SLC49A3: variants seen among roughly 807,000 people sequenced by gnomAD.
SLC49A3 encodes the protein solute carrier family 49 member 3, also known as solute carrier family 49 member A3.
Under a neutral mutation model 43.8 loss-of-function variants are expected in SLC49A3, and 50 were observed. The observed-to-expected ratio is 1.14, with a 90% CI of 0.91 to 1.45. SLC49A3 has a LOEUF of 1.45. SLC49A3 is among the 40% of genes most tolerant of loss of function. The pLI is 0.00. For missense variants in SLC49A3, 906 were observed against 774.1 expected (o/e 1.17, Z -2.02); for synonymous variants, 413 against 352.0 (o/e 1.17, Z -1.94).
downstream of SLC49A3, chr4:680,625 G>A: frequency 6.3e-7 from 1 of 1,598,270 alleles, no homozygotes; most frequent in South Asian, 1.1e-5. Context: ...CGGCTTCCGG[G>A]GAACCCCAGT....
intron 1 of SLC49A3, chr4:687,439 G>A (rs1302506579): frequency 6.6e-6 from 1 of 152,280 alleles, no homozygotes; most frequent in Non-Finnish European, 1.5e-5. Flanking sequence ...AGGGAGCTTG[G>A]GCAACAGCCG....
At chr4:689,157 T>TCCCGCCGGC, upstream of SLC49A3, 1 of 1,288,422 alleles carries the variant, frequency 7.8e-7, no homozygotes. Context: ...TCTCCGCCGG[T>TCCCGCCGGC]CCCGCCGGCC....
At chr4:680,615 C>A (rs761018299), downstream of SLC49A3, 1 of 1,607,384 alleles carries the variant, frequency 6.2e-7, no homozygotes, top group Non-Finnish European at 8.5e-7. Flanking sequence ...CAGGGCGGCC[C>A]GGCTTCCGGG....
rs1740930925 is a variant in SLC49A3 at position 685,974 on chromosome 4, G to T, written c.509-63C>A. On this transcript the variant is annotated intron_variant, in intron 3 of 9. Coordinates refer to ENST00000322224, the MANE Select transcript of SLC49A3 (RefSeq NM_032219.4). The surrounding 1 kb of genome is among the most constrained non-coding windows in gnomAD (Gnocchi z 4.3). ...GGCCTGGCTTCATCGCCAGCCCACA[G>T]GCAGAACCTTCCGGGCCCCAGCTCC... The T allele has an allele frequency of 6.2e-7, 1 of 1,611,070 alleles. No homozygotes were observed. The highest frequency in any genetic ancestry group is 2.2e-5 in the East Asian group (1 of 44,832).
chr4:685,042 G>A lies in SLC49A3; in HGVS notation c.586-186C>T. On this transcript the variant is annotated intron_variant, in intron 4 of 9. Transcript: ENST00000322224. This position sits in a 1 kb window ranked among gnomAD's most constrained non-coding sequence, Gnocchi z 4.3. ...GAGGGGCCTGCTCCAGGGGCTCATG[G>A]GGACCCCTGGCTGTCAACGCATCCC... 1.4e-6 allele frequency: 1 copy of A among 725,502 alleles called. No homozygotes were observed. Among genetic ancestry groups the A allele is most frequent in the Non-Finnish European group, 2.2e-6 (1 of 464,666 alleles). The allele number at this position is 725,502 out of a possible 1,614,324, so 44.9% of individuals were successfully genotyped here. A position where few individuals can be genotyped will look rare whatever the true frequency, so the allele number is the denominator to read the frequency against.
chr4:681,770 C>G (rs1183166351), downstream of SLC49A3: 18 of 1,208,986 alleles, frequency 1.5e-5, no homozygotes, highest in Admixed American at 2.7e-4. Flanking sequence ...GCCCTCACCC[C>G]GCACCCGGGC....
chr4:686,532 C>G lies in SLC49A3; in HGVS notation c.294G>C (p.Ala98=), dbSNP rs199585186. Residue 98 remains alanine (A), a splice_region_variant and synonymous_variant, in exon 2 of 10, where the codon GCG becomes GCC. Coordinates refer to ENST00000322224, the MANE Select transcript of SLC49A3 (RefSeq NM_032219.4). ...WILDSVGLRA[A]TILGAWLNFA... ...GGCCATGGTGTGGGGTCTGACTCAC[C>G]GCCGCACGGAGCCCGACGGAGTCCA... The G allele has an allele frequency of 2.5e-6, 4 of 1,611,652 alleles. No homozygotes were observed. The African/African-American group carries it at 5.3e-5, about 22-fold the overall frequency.
At chr4:679,835 G>A, downstream of SLC49A3, 1 of 1,246,062 alleles carries the variant, frequency 8.0e-7, no homozygotes, top group Non-Finnish European at 1.2e-6. Context: ...TGCCTGCCTG[G>A]CCCTGTGCTG....
chr4:681,232 A>G, downstream of SLC49A3: 3 of 1,474,014 alleles, frequency 2.0e-6, no homozygotes, highest in Non-Finnish European at 2.8e-6. Flanking sequence ...CCCGAGGAGC[A>G]GCGCCGCGGT....
Position 685,960 on chromosome 4 carries a change from A to T in SLC49A3, c.509-49T>A. The stretch of plus-strand genomic sequence containing the variant: ...GTCAGCTCGGCTGTGGCCTGGCTTC[A>T]TCGCCAGCCCACAGGCAGAACCTTC... On this transcript the variant is annotated intron_variant, in intron 3 of 9. Coordinates refer to ENST00000322224, the MANE Select transcript of SLC49A3 (RefSeq NM_032219.4). This position sits in a 1 kb window ranked among gnomAD's most constrained non-coding sequence, Gnocchi z 4.3. The T allele has an allele frequency of 1.2e-6, 2 of 1,612,120 alleles. No individual in the cohort carries two copies. The highest frequency in any genetic ancestry group is 1.7e-6 in the Non-Finnish European group (2 of 1,179,148).
chr4:683,535 C>T, intron 7 of SLC49A3, 74 bp downstream of exon 7: 1 of 1,531,306 alleles, frequency 6.5e-7, no homozygotes, highest in South Asian at 1.3e-5. Flanking sequence ...TCCAGCCAAG[C>T]CGCCAACCGC....
intron 8 of SLC49A3, 150 bp from the exon 9 acceptor site, chr4:683,040 G>T (rs1740136127): frequency 6.2e-6 from 7 of 1,127,464 alleles, no homozygotes; most frequent in Admixed American, 2.4e-5. Context: ...CTATCAGCCG[G>T]CCCGGCCTGC....
upstream of SLC49A3, among the ~76,000 whole-genome samples, chr4:691,282 CA>C (rs71166826): frequency 5.9e-4 from 68 of 115,700 alleles, no homozygotes; most frequent in African/African-American, 1.2e-3. Flanking sequence ...GACTCTGTCT[CA>C]AAAAAAAAAA....
chr4:688,904 A>G (rs1741570051), intron 1 of SLC49A3, 89 bp downstream of exon 1: 1 of 1,473,392 alleles, frequency 6.8e-7, no homozygotes, highest in African/African-American at 1.5e-5. Flanking sequence ...AGCACCTGGC[A>G]CCTCGGGCTG....
At chr4:684,630 C>T in intron 5 of SLC49A3, 31 bp from the exon 6 acceptor site, 1 of 1,611,644 alleles carries the variant, frequency 6.2e-7, no homozygotes, top group Non-Finnish European at 8.5e-7. Context: ...AGCCCCGGAG[C>T]CCGGGGGCCC....
chr4:678,546 C>G, downstream of SLC49A3: 1 of 1,475,102 alleles, frequency 6.8e-7, no homozygotes, highest in Non-Finnish European at 9.0e-7. Flanking sequence ...CCCCTCCAGC[C>G]CGAAGGGCTG....
At position 686,210 on chromosome 4, in the gene SLC49A3, G is replaced by A; in HGVS notation, c.387C>T (p.Leu129=). 1.2e-6 allele frequency: 2 copies of A among 1,613,648 alleles called. No homozygotes were observed. The highest frequency in any genetic ancestry group is 2.2e-5 in the East Asian group (1 of 44,888). The change falls in exon 3 of 10, where the codon CTC becomes CTT. Residue 129 remains leucine, a synonymous_variant. Transcript: ENST00000322224. ...GGGCACAGAGGCTCTGGCCACCCAT[G>A]AGGAAGGCAAATGGGTTTTGGGTCC... ...VVGTQNPFAF[L]MGGQSLCALA... is the part of the protein sequence containing the mutation.
chr4:681,861 C>G lies in SLC49A3; in HGVS notation c.*97G>C. 1 of 1,307,352 alleles carries G rather than the reference C, an allele frequency of 7.6e-7. No individual in the cohort carries two copies. The highest frequency in any genetic ancestry group is 9.8e-7 in the Non-Finnish European group (1 of 1,019,776). The allele number at this position is 1,307,352 out of a possible 1,614,324, so 81.0% of individuals were successfully genotyped here. A position where few individuals can be genotyped will look rare whatever the true frequency, so the allele number is the denominator to read the frequency against. Reference sequence around the variant, plus strand: ...GCGCGCTTGTAATTCGCTCCCGGAGCCCGCAAGGAGCCCTTTCGCCCCCGC... The same window carrying G: ...GCGCGCTTGTAATTCGCTCCCGGAGGCCGCAAGGAGCCCTTTCGCCCCCGC... On this transcript the variant is annotated 3_prime_UTR_variant, in exon 10 of 10. Coordinates refer to ENST00000322224, the MANE Select transcript of SLC49A3 (RefSeq NM_032219.4).
chr4:686,823 G>A, intron 1 of SLC49A3, 133 bp from the exon 2 acceptor site: 1 of 1,186,442 alleles, frequency 8.4e-7, no homozygotes, highest in Non-Finnish European at 1.2e-6. Context: ...CTGGACACGG[G>A]GCCTTCCTGC....
Sources: gnomAD v4.1 joint callset for allele counts (sites outside exome capture counted in the v4.1 genomes callset) on GRCh38, gnomAD v4.1.1 for gene constraint, Gnocchi (gnomAD v3.1) non-coding constraint, MANE v1.5 for transcripts, NCBI Gene and HGNC (gene_info 2026-07-23, HGNC 2026-07-21) for gene names.